B3GALT1: variants seen among roughly 807,000 people sequenced by gnomAD.
B3GALT1 encodes UDP-Gal:betaGlcNAc beta 1,3-galactosyltransferase, polypeptide 1.
B3GALT1 carries 10 observed loss-of-function variants against 23.2 expected under a neutral mutation model. The ratio of observed to expected loss-of-function variants is 0.43; its 90% CI spans 0.27 to 0.73. The LOEUF (loss-of-function observed/expected upper bound fraction) is 0.73, where lower values mean the gene tolerates loss of function less well. B3GALT1 is among the 30% of genes least tolerant of loss of function. B3GALT1 has a pLI of 0.21. For synonymous variants in B3GALT1, 156 were observed against 141.5 expected (o/e 1.10, Z -0.73); for missense variants, 299 against 405.4 (o/e 0.74, Z 2.25).
At chr2:167,596,525 G>A (rs1224391600) in intron 2 of B3GALT1, among the ~76,000 whole-genome samples, 1 of 152,180 alleles carries the variant, frequency 6.6e-6, no homozygotes, top group African/African-American at 2.4e-5. Flanking sequence ...AGGATAATTA[G>A]AGATACTGTG....
chr2:167,419,676 A>G (rs1698519701), intron 1 of B3GALT1, among the ~76,000 whole-genome samples: 1 of 152,178 alleles, frequency 6.6e-6, no homozygotes, highest in Non-Finnish European at 1.5e-5. Context: ...ATCATCCCTG[A>G]ATTAGTGTCT....
intron 3 of B3GALT1, among the ~76,000 whole-genome samples, chr2:167,692,069 A>G (rs1369781532): frequency 6.6e-6 from 1 of 152,154 alleles, no homozygotes; most frequent in Non-Finnish European, 1.5e-5. Flanking sequence ...TAGGCTAATT[A>G]GTAACCTCTA....
At chr2:167,497,468 A>G (rs12104575) in intron 2 of B3GALT1, among the ~76,000 whole-genome samples, 8,969 of 152,230 alleles carry the variant, frequency 0.059, 610 homozygotes, top group African/African-American at 0.17. Context: ...AAGATGCTCA[A>G]TTGTACCGAT....
chr2:167,536,303 G>C (rs1683425157), intron 2 of B3GALT1, among the ~76,000 whole-genome samples: 1 of 152,094 alleles, frequency 6.6e-6, no homozygotes, highest in Admixed American at 6.5e-5. Context: ...AATAAAGAAA[G>C]AAGGAAAGGA....
chr2:167,628,583 C>A (rs546235971), intron 2 of B3GALT1, among the ~76,000 whole-genome samples: 1 of 151,878 alleles, frequency 6.6e-6, no homozygotes, highest in East Asian at 1.9e-4. Flanking sequence ...GATAAGCAAG[C>A]TAGTGGATTT....
At chr2:167,855,929 G>A (rs1689992400) in intron 4 of B3GALT1, among the ~76,000 whole-genome samples, 1 of 152,024 alleles carries the variant, frequency 6.6e-6, no homozygotes, top group South Asian at 2.1e-4. Context: ...CTATTAAAAT[G>A]TCATTTCTTT....
intron 2 of B3GALT1, among the ~76,000 whole-genome samples, chr2:167,546,864 C>A (rs377548940): frequency 2.3e-4 from 35 of 152,284 alleles, no homozygotes; most frequent in East Asian, 2.1e-3. Context: ...CACCAGAAAA[C>A]AAATGTCATT....
intron 3 of B3GALT1, among the ~76,000 whole-genome samples, chr2:167,786,245 G>C (rs1290954185): frequency 6.6e-6 from 1 of 152,200 alleles, no homozygotes; most frequent in African/African-American, 2.4e-5. Flanking sequence ...TTTCACAACA[G>C]GGAATCTCAG....
chr2:167,520,995 T>G (rs1273405255), intron 2 of B3GALT1, among the ~76,000 whole-genome samples: 1 of 152,088 alleles, frequency 6.6e-6, no homozygotes, highest in Non-Finnish European at 1.5e-5. Flanking sequence ...TTTTTTTTTG[T>G]AAATTGACAT....
At chr2:167,645,273 T>C (rs925335658) in intron 2 of B3GALT1, among the ~76,000 whole-genome samples, 7 of 152,188 alleles carry the variant, frequency 4.6e-5, no homozygotes, top group African/African-American at 1.4e-4. Flanking sequence ...GCAATACTTT[T>C]ATGAAACAAG....
At chr2:167,594,791 A>G (rs1379347697) in intron 2 of B3GALT1, among the ~76,000 whole-genome samples, 1 of 152,070 alleles carries the variant, frequency 6.6e-6, no homozygotes, top group African/African-American at 2.4e-5. Flanking sequence ...CTGTAATCCG[A>G]GCTACTTGGG....
At chr2:167,330,572 T>C (rs948837703) in intron 1 of B3GALT1, among the ~76,000 whole-genome samples, 4 of 152,210 alleles carry the variant, frequency 2.6e-5, no homozygotes, top group African/African-American at 9.7e-5. Flanking sequence ...ATCACACCAC[T>C]GCACTCCAGT....
At chr2:167,313,163 A>G (rs1247958135) in intron 1 of B3GALT1, among the ~76,000 whole-genome samples, 4 of 152,144 alleles carry the variant, frequency 2.6e-5, no homozygotes, top group African/African-American at 9.7e-5. Flanking sequence ...CTGCTTATTC[A>G]TGGAAAAGCC....
chr2:167,428,773 T>A (rs935303611), intron 1 of B3GALT1, among the ~76,000 whole-genome samples: 1 of 152,176 alleles, frequency 6.6e-6, no homozygotes, highest in Non-Finnish European at 1.5e-5. Flanking sequence ...TGTTTGAGTT[T>A]CATGGCTGCT....
chr2:167,570,812 G>C lies in B3GALT1; in HGVS notation c.-409-76097G>C, dbSNP rs80318474. On this transcript the variant is annotated intron_variant, in intron 2 of 4. Coordinates refer to ENST00000392690, the MANE Select transcript of B3GALT1 (RefSeq NM_020981.4). ...GGGGTTATATCATATAGTGAGCTTG[G>C]AAAATGTGGCTGCTAAAATCTTCTT... is the stretch of plus-strand genomic sequence containing the variant. Among the ~76,000 whole-genome samples, 655 of 151,926 alleles carry C rather than the reference G, an allele frequency of 4.3e-3. 23 individuals carry two copies. In the East Asian group the frequency reaches 0.084, roughly 19 times the overall value.
intron 2 of B3GALT1, among the ~76,000 whole-genome samples, chr2:167,556,014 A>T (rs1485830479): frequency 6.6e-6 from 1 of 152,176 alleles, no homozygotes; most frequent in African/African-American, 2.4e-5. Flanking sequence ...GGAATCTCCA[A>T]GGATTTTTCT....
chr2:167,509,661 T>C (rs1220389736), intron 2 of B3GALT1, among the ~76,000 whole-genome samples: 1 of 152,108 alleles, frequency 6.6e-6, no homozygotes. Context: ...ACAAAGACCT[T>C]GACACGAGAG....
intron 2 of B3GALT1, among the ~76,000 whole-genome samples, chr2:167,536,159 G>T (rs1373481048): frequency 6.6e-6 from 1 of 151,994 alleles, no homozygotes; most frequent in Non-Finnish European, 1.5e-5. Context: ...CACCTGCGTC[G>T]GCCTCCCAAA....
chr2:167,378,895 T>C (rs916879763), intron 1 of B3GALT1, among the ~76,000 whole-genome samples: 1 of 152,296 alleles, frequency 6.6e-6, no homozygotes, highest in African/African-American at 2.4e-5. Flanking sequence ...ATTCAGATTT[T>C]TCAAGGTGCC....
Sources: allele counts gnomAD v4.1 joint callset (sites outside exome capture counted in the v4.1 genomes callset), GRCh38; gene constraint gnomAD v4.1.1; transcripts MANE v1.5; gene names NCBI Gene and HGNC (gene_info 2026-07-23, HGNC 2026-07-21).